The following TTC29 variants were observed in gnomAD, a reference collection of about 807,000 sequenced individuals.
TTC29 encodes the protein tetratricopeptide repeat domain 29, also known as tetratricopeptide repeat protein 29.
Under a neutral mutation model 58.1 loss-of-function variants are expected in TTC29, and 49 were observed. The ratio of observed to expected loss-of-function variants is 0.84; its 90% CI spans 0.67 to 1.07. The LOEUF (loss-of-function observed/expected upper bound fraction) is 1.07, where lower values mean the gene tolerates loss of function less well. Ranked by LOEUF, TTC29 falls within the 50% of genes least tolerant of loss-of-function variation. The probability of loss-of-function intolerance (pLI) is 0.00; values close to 1 mark genes in which losing one functional copy is unlikely to be tolerated. For synonymous variants in TTC29, 209 were observed against 196.8 expected, an observed-to-expected ratio of 1.06 and a Z score of -0.52; for missense variants, 582 against 555.6, an observed-to-expected ratio of 1.05 and a Z score of -0.48.
intron 11 of TTC29, among the ~76,000 whole-genome samples, chr4:146,758,967 G>A (rs1231136688): frequency 6.6e-6 from 1 of 151,654 alleles, no homozygotes; most frequent in Non-Finnish European, 1.5e-5. Context: ...CCACACCCAA[G>A]AGAAGAAAGG....
chr4:146,909,163 A>G lies in TTC29; in HGVS notation c.263T>C (p.Met88Thr). ...CTCCCTCAGGGCATCCCACCGCTCC[A>G]TCAGAGCGAAGAGCTCGGTGAAGGA... is the stretch of plus-strand genomic sequence containing the variant. ...HKSFTELFAL[M>T]ERWDALREAA... is the part of the protein sequence containing the mutation. The change falls in exon 5 of 13, where the codon ATG (methionine) becomes ACG (threonine). Residue 88 changes from methionine (M) to threonine (T), a missense_variant. Coordinates refer to ENST00000325106, the MANE Select transcript of TTC29 (RefSeq NM_031956.4). The G allele has an allele frequency of 1.2e-6, 2 of 1,613,794 alleles. No homozygotes were observed. The highest frequency in any genetic ancestry group is 1.7e-6 in the Non-Finnish European group (2 of 1,179,786).
At chr4:146,876,885 G>A (rs1258602864) in intron 6 of TTC29, among the ~76,000 whole-genome samples, 3 of 140,698 alleles carry the variant, frequency 2.1e-5, no homozygotes, top group African/African-American at 7.9e-5. Context: ...GTGGTGAGCC[G>A]AGATCATGCC....
chr4:146,715,639 A>T (rs1404994983), intron 11 of TTC29, among the ~76,000 whole-genome samples: 1 of 152,104 alleles, frequency 6.6e-6, no homozygotes, highest in East Asian at 1.9e-4. Context: ...AAGGTGGGAG[A>T]TGTTGGTTAA....
intron 8 of TTC29, among the ~76,000 whole-genome samples, chr4:146,841,747 A>G (rs999991557): frequency 6.6e-6 from 1 of 151,886 alleles, no homozygotes; most frequent in Non-Finnish European, 1.5e-5. Flanking sequence ...TGGGTGTTCA[A>G]ATTTTCTCCA....
intron 9 of TTC29, among the ~76,000 whole-genome samples, chr4:146,830,055 C>G (rs1728059217): frequency 6.6e-6 from 1 of 152,160 alleles, no homozygotes; most frequent in African/African-American, 2.4e-5. Context: ...AATTTCTCAA[C>G]TGGCTTTCTC....
chr4:146,711,179 C>T (rs1250955518), intron 11 of TTC29, among the ~76,000 whole-genome samples: 1 of 151,998 alleles, frequency 6.6e-6, no homozygotes, highest in Non-Finnish European at 1.5e-5. Flanking sequence ...TGGATTCAAC[C>T]TTTCTTCAAC....
chr4:146,718,045 G>A (rs1743069263), intron 11 of TTC29, among the ~76,000 whole-genome samples: 1 of 151,956 alleles, frequency 6.6e-6, no homozygotes, highest in Admixed American at 6.6e-5. Context: ...TTCCATCTAT[G>A]ATATTGCAAA....
At chr4:146,856,637 G>A (rs2150191906) in intron 8 of TTC29, among the ~76,000 whole-genome samples, 1 of 149,620 alleles carries the variant, frequency 6.7e-6, no homozygotes, top group Admixed American at 6.6e-5. Context: ...CTATAATCAA[G>A]GTAAAAAAAG....
chr4:146,886,053 A>G (rs1158061927), intron 6 of TTC29, among the ~76,000 whole-genome samples: 1 of 152,120 alleles, frequency 6.6e-6, no homozygotes, highest in Non-Finnish European at 1.5e-5. Context: ...AAGTTACTAA[A>G]TCTGTATTAT....
chr4:146,764,583 G>C (rs1301822948), intron 11 of TTC29, among the ~76,000 whole-genome samples: 2 of 151,830 alleles, frequency 1.3e-5, no homozygotes, highest in African/African-American at 2.4e-5. Context: ...GTTTAGGAGC[G>C]TACCCATACA....
chr4:146,708,924 A>C (rs1406324073), intron 11 of TTC29, among the ~76,000 whole-genome samples: 1 of 151,978 alleles, frequency 6.6e-6, no homozygotes, highest in African/African-American at 2.4e-5. Flanking sequence ...TCACTACTGC[A>C]CCTGAAGATG....
chr4:146,858,258 A>G (rs1729997103), intron 8 of TTC29, among the ~76,000 whole-genome samples: 1 of 152,244 alleles, frequency 6.6e-6, no homozygotes, highest in Non-Finnish European at 1.5e-5. Context: ...TCACACAGCT[A>G]GTGCATGGCA....
rs1382195885 is a variant in TTC29 at position 146,833,847 on chromosome 4, A to G, written c.936T>C (p.Ser312=). ...CTATGGCTTCATAGCCTCTCCCCAG[A>G]CTGAGATCATCATCCAGGTCTGTGG... ...KISTDLDDDL[S]LGRGYEAIAK... Residue 312 remains serine (S), a synonymous_variant, in exon 9 of 13, where the codon AGT becomes AGC. Coordinates refer to ENST00000325106, the MANE Select transcript of TTC29 (RefSeq NM_031956.4). The G allele has an allele frequency of 6.2e-7, 1 of 1,613,364 alleles. No homozygotes were observed. Among genetic ancestry groups the G allele is most frequent in the South Asian group, 1.1e-5 (1 of 91,070 alleles).
chr4:146,886,854 T>C (rs1398413939), intron 6 of TTC29, among the ~76,000 whole-genome samples: 1 of 152,138 alleles, frequency 6.6e-6, no homozygotes, highest in Non-Finnish European at 1.5e-5. Flanking sequence ...CTCTGACATG[T>C]TTTAGTTGTC....
At chr4:146,922,442 C>T (rs1734656492) in intron 4 of TTC29, among the ~76,000 whole-genome samples, 1 of 151,450 alleles carries the variant, frequency 6.6e-6, no homozygotes, top group Admixed American at 6.6e-5. Flanking sequence ...AAAACAAAAA[C>T]AGATAGTCAC....
chr4:146,861,964 A>G (rs1730262548), intron 8 of TTC29, among the ~76,000 whole-genome samples: 1 of 152,070 alleles, frequency 6.6e-6, no homozygotes, highest in African/African-American at 2.4e-5. Context: ...ACAATTAAAG[A>G]TAGACTGAAT....
intron 8 of TTC29, among the ~76,000 whole-genome samples, chr4:146,842,605 A>G (rs958785589): frequency 1.3e-5 from 2 of 152,172 alleles, no homozygotes; most frequent in Non-Finnish European, 1.5e-5. Flanking sequence ...CATAAAGAGC[A>G]TCAAACAGAT....
intron 8 of TTC29, among the ~76,000 whole-genome samples, chr4:146,865,176 C>G (rs1043340327): frequency 6.6e-6 from 1 of 152,130 alleles, no homozygotes; most frequent in Non-Finnish European, 1.5e-5. Context: ...CTTCTTCAAT[C>G]TATTCATTAC....
At chr4:146,819,156 A>G (rs1313707943) in intron 10 of TTC29, among the ~76,000 whole-genome samples, 1 of 151,566 alleles carries the variant, frequency 6.6e-6, no homozygotes, top group East Asian at 1.9e-4. Context: ...AAAAAATAAA[A>G]AAAAGATAGT....
Sources: gnomAD v4.1 joint callset for allele counts (sites outside exome capture counted in the v4.1 genomes callset) on GRCh38, gnomAD v4.1.1 for gene constraint, MANE v1.5 for transcripts, NCBI Gene and HGNC (gene_info 2026-07-23, HGNC 2026-07-21) for gene names.